Variants in FOCAD observed in about 807,000 individuals in gnomAD.
FOCAD encodes focadhesin, also known as KIAA1797.
Under a neutral mutation model 225.6 loss-of-function variants are expected in FOCAD, and 198 were observed. The observed-to-expected ratio is 0.88, with a 90% CI of 0.78 to 0.99. The LOEUF is 0.99. Among genes scored for constraint, FOCAD ranks in the 50% least tolerant of loss-of-function variants. The pLI is 0.00. For missense variants in FOCAD, 2,713 were observed against 2,123.6 expected (o/e 1.28, Z -5.46); for synonymous variants, 897 against 755.0 (o/e 1.19, Z -3.08).
intron 15 of FOCAD, among the ~76,000 whole-genome samples, chr9:20,838,130 A>G (rs1826172053): frequency 6.6e-6 from 1 of 152,154 alleles, no homozygotes; most frequent in Non-Finnish European, 1.5e-5. Context: ...TTTTAAGTTT[A>G]GAAACGTTAT....
At chr9:20,809,987 A>G (rs1329172088) in intron 11 of FOCAD, among the ~76,000 whole-genome samples, 1 of 152,200 alleles carries the variant, frequency 6.6e-6, no homozygotes, top group Non-Finnish European at 1.5e-5. Flanking sequence ...GGGGGTCCCA[A>G]AGATGACTAA....
At chr9:20,757,786 G>A (rs1829190467) in intron 5 of FOCAD, among the ~76,000 whole-genome samples, 1 of 152,108 alleles carries the variant, frequency 6.6e-6, no homozygotes, top group Non-Finnish European at 1.5e-5. Flanking sequence ...GAGAGCTGCT[G>A]GATTCAGGAG....
At chr9:20,922,767 C>T (rs956080516) in intron 24 of FOCAD, among the ~76,000 whole-genome samples, 1 of 152,154 alleles carries the variant, frequency 6.6e-6, no homozygotes, top group Non-Finnish European at 1.5e-5. Context: ...GAGGACTAAA[C>T]GATCTGATGG....
intron 11 of FOCAD, among the ~76,000 whole-genome samples, chr9:20,818,442 C>T (rs974086109): frequency 6.6e-6 from 1 of 151,926 alleles, no homozygotes; most frequent in African/African-American, 2.4e-5. Context: ...TTAGTCTACC[C>T]CAATGTTACA....
intron 5 of FOCAD, among the ~76,000 whole-genome samples, chr9:20,744,749 T>C (rs1480842251): frequency 6.6e-6 from 1 of 152,154 alleles, no homozygotes; most frequent in Non-Finnish European, 1.5e-5. Flanking sequence ...CATGAAACAA[T>C]GGGACTTCAT....
chr9:20,753,870 T>A (rs1196055163), intron 5 of FOCAD, among the ~76,000 whole-genome samples: 1 of 152,046 alleles, frequency 6.6e-6, no homozygotes, highest in Non-Finnish European at 1.5e-5. Context: ...TCTGCTACTG[T>A]TAGATTTATT....
intron 5 of FOCAD, among the ~76,000 whole-genome samples, chr9:20,757,838 C>T (rs1162259330): frequency 6.6e-6 from 1 of 152,142 alleles, no homozygotes; most frequent in Non-Finnish European, 1.5e-5. Flanking sequence ...AGAGTCCATT[C>T]CCAGATTTGG....
intron 16 of FOCAD, among the ~76,000 whole-genome samples, chr9:20,865,373 G>C (rs1422510026): frequency 6.6e-6 from 1 of 152,024 alleles, no homozygotes; most frequent in African/African-American, 2.4e-5. Flanking sequence ...GTTAGATGTG[G>C]TGGCAATGAA....
At chr9:20,778,017 A>G (rs914186767) in intron 8 of FOCAD, among the ~76,000 whole-genome samples, 1 of 141,396 alleles carries the variant, frequency 7.1e-6, no homozygotes, top group African/African-American at 2.6e-5. Flanking sequence ...GTGAACCCGG[A>G]AGGCGGAGCT....
chr9:20,840,542 GT>G (rs933040282), intron 15 of FOCAD, among the ~76,000 whole-genome samples: 1 of 137,534 alleles, frequency 7.3e-6, no homozygotes, highest in African/African-American at 2.7e-5. Flanking sequence ...GAATTACTTT[GT>G]TTTTTTCATA....
intron 1 of FOCAD, among the ~76,000 whole-genome samples, chr9:20,694,061 C>G (rs1823147604): frequency 6.6e-6 from 1 of 152,186 alleles, no homozygotes; most frequent in African/African-American, 2.4e-5. Context: ...CTTCCACATC[C>G]AGACTCTAAT....
chr9:20,923,912 C>A, intron 25 of FOCAD, 144 bp downstream of exon 25: 1 of 609,130 alleles, frequency 1.6e-6, no homozygotes, highest in East Asian at 2.8e-5. Context: ...TACTGTGAGC[C>A]TCAGTGTCTT....
intron 14 of FOCAD, among the ~76,000 whole-genome samples, chr9:20,822,664 A>T (rs75038826): frequency 6.6e-6 from 1 of 152,028 alleles, no homozygotes; most frequent in Non-Finnish European, 1.5e-5. Context: ...ACTAATCTCA[A>T]TTAGGTAATT....
Position 20,990,169 on chromosome 9 carries a change from G to A in FOCAD, c.5051G>A (p.Trp1684Ter), listed in dbSNP as rs1461599092. The change falls in exon 42 of 44, where the codon TGG becomes TAG. Residue 1684 changes from tryptophan (W) to a stop codon, truncating the protein, a stop_gained. Transcript: ENST00000338382. LOFTEE classifies it high-confidence loss of function. ...ATATTTGCAACCGCAGTGGTTGCATGGGCTGACCACACTGCCCCTCTCCTC... is the reference window on the plus strand; with the variant it reads ...ATATTTGCAACCGCAGTGGTTGCATAGGCTGACCACACTGCCCCTCTCCTC... ...LLIFATAVVA[W>*]ADHTAPLLLG... 2 of 1,614,042 alleles carry A rather than the reference G, an allele frequency of 1.2e-6. No individual in the cohort carries two copies. Among genetic ancestry groups the A allele is most frequent in the East Asian group, 2.2e-5 (1 of 44,886 alleles).
At chr9:20,708,070 C>T (rs1279784217) in intron 1 of FOCAD, among the ~76,000 whole-genome samples, 1 of 152,150 alleles carries the variant, frequency 6.6e-6, no homozygotes, top group Non-Finnish European at 1.5e-5. Flanking sequence ...AATTTTCCCC[C>T]TCTTTTTTGA....
chr9:20,770,515 C>A (rs1365910926), intron 8 of FOCAD, among the ~76,000 whole-genome samples: 1 of 152,192 alleles, frequency 6.6e-6, no homozygotes, highest in Non-Finnish European at 1.5e-5. Context: ...ATCTCAATCA[C>A]TATCACAAGA....
chr9:20,717,734 T>C (rs888263401), intron 2 of FOCAD, 60 bp from the exon 3 acceptor site: 1 of 1,247,578 alleles, frequency 8.0e-7, no homozygotes. Flanking sequence ...TATCAACTAG[T>C]ATTGATATTT....
At chr9:20,756,903 A>G (rs1040642740) in intron 5 of FOCAD, among the ~76,000 whole-genome samples, 5 of 152,080 alleles carry the variant, frequency 3.3e-5, no homozygotes, top group Non-Finnish European at 7.4e-5. Flanking sequence ...ATATTTCTGT[A>G]TTGTTTGCAT....
intron 24 of FOCAD, among the ~76,000 whole-genome samples, chr9:20,917,594 C>A (rs1833981207): frequency 6.6e-6 from 1 of 152,074 alleles, no homozygotes; most frequent in Admixed American, 6.5e-5. Flanking sequence ...GCCAGTTACA[C>A]TCCCTTCCAC....
Sources: gnomAD v4.1 joint callset for allele counts (sites outside exome capture counted in the v4.1 genomes callset) on GRCh38, gnomAD v4.1.1 for gene constraint, MANE v1.5 for transcripts, NCBI Gene and HGNC (gene_info 2026-07-23, HGNC 2026-07-21) for gene names.